Variants in RPS6KA2 observed in about 807,000 individuals in gnomAD.
RPS6KA2 encodes ribosomal protein S6 kinase alpha-2.
RPS6KA2 carries 42 observed loss-of-function variants against 91.8 expected under a neutral mutation model. That is an observed-to-expected ratio of 0.46 (90% CI 0.36 to 0.59). The LOEUF (loss-of-function observed/expected upper bound fraction) is 0.59, where lower values mean the gene tolerates loss of function less well. Among genes scored for constraint, RPS6KA2 ranks in the 20% least tolerant of loss-of-function variants. The pLI is 0.00. For synonymous variants in RPS6KA2, 414 were observed against 393.6 expected (o/e 1.05, Z -0.61); for missense variants, 798 against 978.5 (o/e 0.82, Z 2.46).
chr6:166,590,570 T>C (rs1339503896), intron 1 of RPS6KA2, among the ~76,000 whole-genome samples: 1 of 152,190 alleles, frequency 6.6e-6, no homozygotes, highest in Non-Finnish European at 1.5e-5. Context: ...TGCACTGTAC[T>C]ATACAGGGGA....
intron 11 of RPS6KA2, chr6:166,465,423 T>A (rs575796099): frequency 6.6e-6 from 1 of 152,368 alleles, no homozygotes; most frequent in East Asian, 1.9e-4. Flanking sequence ...TGAAGACACA[T>A]GGGCTGCTAC....
chr6:166,808,579 G>A (rs1476542696), intron 2 of RPS6KA2, among the ~76,000 whole-genome samples: 4 of 152,136 alleles, frequency 2.6e-5, no homozygotes, highest in Non-Finnish European at 5.9e-5. Context: ...AATGTCTTAC[G>A]TATTGAATCA....
At chr6:166,772,556 G>C (rs1778502188) in intron 2 of RPS6KA2, among the ~76,000 whole-genome samples, 1 of 152,172 alleles carries the variant, frequency 6.6e-6, no homozygotes, top group South Asian at 2.1e-4. Context: ...AAGATGGTGA[G>C]ACCCGGTGGA....
At position 166,448,959 on chromosome 6, in the gene RPS6KA2, G is replaced by A; in HGVS notation, c.1207-110C>T. 2 of 1,348,690 alleles carry A rather than the reference G, an allele frequency of 1.5e-6. No homozygotes were observed. Among genetic ancestry groups the A allele is most frequent in the Non-Finnish European group, 2.1e-6 (2 of 970,440 alleles). The allele number at this position is 1,348,690 out of a possible 1,614,324, so 83.5% of individuals were successfully genotyped here. On this transcript the variant is annotated intron_variant, in intron 13 of 20. Coordinates refer to ENST00000265678, the MANE Select transcript of RPS6KA2 (RefSeq NM_021135.6). This position sits in a 1 kb window ranked among gnomAD's most constrained non-coding sequence, Gnocchi z 4.7. Reference sequence around the variant, plus strand: ...AAGAGAGGCACCGACTGTGAACTGAGTGTGTGGAGGCCTGGGAGCTCATGG... The same window carrying A: ...AAGAGAGGCACCGACTGTGAACTGAATGTGTGGAGGCCTGGGAGCTCATGG...
At chr6:166,614,877 G>A (rs1289241676) in intron 1 of RPS6KA2, among the ~76,000 whole-genome samples, 1 of 152,172 alleles carries the variant, frequency 6.6e-6, no homozygotes, top group African/African-American at 2.4e-5. Context: ...AGATTATCCA[G>A]GAACATCACG....
At chr6:166,805,354 C>T (rs1230461949) in intron 2 of RPS6KA2, among the ~76,000 whole-genome samples, 1 of 152,112 alleles carries the variant, frequency 6.6e-6, no homozygotes, top group Non-Finnish European at 1.5e-5. Flanking sequence ...GTCGCACCTC[C>T]CCTCATTGTT....
intron 2 of RPS6KA2, among the ~76,000 whole-genome samples, chr6:166,632,734 A>G (rs756195867): frequency 3.3e-5 from 5 of 152,238 alleles, no homozygotes; most frequent in Non-Finnish European, 7.3e-5. Context: ...AGACCAGAAG[A>G]CAGACACAAA....
chr6:166,730,399 TTGA>T (rs1388273121), intron 2 of RPS6KA2, among the ~76,000 whole-genome samples: 1 of 152,230 alleles, frequency 6.6e-6, no homozygotes, highest in African/African-American at 2.4e-5. Flanking sequence ...AGTCATAATT[TTGA>T]TGTTGTTAAA....
chr6:166,747,677 C>T (rs1264403933), intron 2 of RPS6KA2, among the ~76,000 whole-genome samples: 1 of 152,132 alleles, frequency 6.6e-6, no homozygotes, highest in Non-Finnish European at 1.5e-5. Context: ...GTGGAGGTGG[C>T]CACACAGCAT....
chr6:166,845,648 A>G (rs1317178242), intron 2 of RPS6KA2, among the ~76,000 whole-genome samples: 1 of 152,224 alleles, frequency 6.6e-6, no homozygotes, highest in Admixed American at 6.5e-5. Context: ...GGAAATTAAA[A>G]AATTATTTGA....
At chr6:166,831,535 G>A (rs992124987) in intron 2 of RPS6KA2, among the ~76,000 whole-genome samples, 5 of 151,658 alleles carry the variant, frequency 3.3e-5, no homozygotes, top group African/African-American at 1.2e-4. Flanking sequence ...CTCTTCACAG[G>A]CTCCTTCTTC....
Position 166,648,544 on chromosome 6 carries a change from G to T in RPS6KA2, c.124-109760C>A, listed in dbSNP as rs1448131264. Among the ~76,000 whole-genome samples, 1 of 152,198 alleles carries T rather than the reference G, an allele frequency of 6.6e-6. No homozygotes were observed. Among genetic ancestry groups the T allele is most frequent in the East Asian group, 1.9e-4 (1 of 5,202 alleles). ...GACGGGCATTTAATAAATGTTTCTG[G>T]ATTGAACACGTGAGTGAGTTCGTAT... On this transcript the variant is annotated intron_variant, in intron 2 of 21. Transcript: ENST00000503859. The surrounding 1 kb of genome is among the most constrained non-coding windows in gnomAD (Gnocchi z 4.8).
rs1779214642 is a variant in RPS6KA2, at chr6:166,433,901, T to C, written c.1333-1411A>G. 6.6e-6 allele frequency among the ~76,000 whole-genome samples: 1 copy of C among 152,064 alleles called. No homozygotes were observed. The highest frequency in any genetic ancestry group is 2.4e-5 in the African/African-American group (1 of 41,408). ...TCCAGAATAACTAGGACTACAGAGGTGTGTGCCACCCTACTCAGCTAATTT... is the reference window on the plus strand; with the variant it reads ...TCCAGAATAACTAGGACTACAGAGGCGTGTGCCACCCTACTCAGCTAATTT... On this transcript the variant is annotated intron_variant, in intron 14 of 20. Transcript: ENST00000265678. This position sits in a 1 kb window ranked among gnomAD's most constrained non-coding sequence, Gnocchi z 4.4.
At position 166,639,813 on chromosome 6, in the gene RPS6KA2, C is replaced by G. The variant is rs1475631757; in HGVS notation, c.124-101029G>C. Among the ~76,000 whole-genome samples, 2 of 152,118 alleles carry G rather than the reference C, an allele frequency of 1.3e-5. No homozygotes were observed. Among genetic ancestry groups the G allele is most frequent in the Non-Finnish European group, 2.9e-5 (2 of 68,014 alleles). ...CACCGAGATCACTCCACCCCACAGG[C>G]CCTGTTGGGGTCTCTCCTGGGTTCC... On this transcript the variant is annotated intron_variant, in intron 2 of 21. Transcript: ENST00000503859. The surrounding 1 kb of genome is among the most constrained non-coding windows in gnomAD (Gnocchi z 4.2).
rs776717039 is a variant in RPS6KA2, at chr6:166,434,445, G to C, written c.1333-1955C>G. Among the ~76,000 whole-genome samples, 5 of 152,090 alleles carry C rather than the reference G, an allele frequency of 3.3e-5. No individual in the cohort carries two copies. The highest frequency in any genetic ancestry group is 5.9e-5 in the Non-Finnish European group (4 of 68,012). On this transcript the variant is annotated intron_variant, in intron 14 of 20. Coordinates refer to ENST00000265678, the MANE Select transcript of RPS6KA2 (RefSeq NM_021135.6). The surrounding 1 kb of genome is among the most constrained non-coding windows in gnomAD (Gnocchi z 4.4). ...ACTTTTAAAACGATCATTCAAGGAG[G>C]GGTGGGGGACTTTCCCTAACATGCC... is the stretch of plus-strand genomic sequence containing the variant.
chr6:166,652,315 T>C (rs930037660), intron 2 of RPS6KA2, among the ~76,000 whole-genome samples: 3 of 152,242 alleles, frequency 2.0e-5, no homozygotes, highest in African/African-American at 7.2e-5. Context: ...TTATTCAGAA[T>C]CTTAAATTAA....
intron 2 of RPS6KA2, among the ~76,000 whole-genome samples, chr6:166,670,042 A>G (rs1057366588): frequency 6.6e-5 from 10 of 152,264 alleles, no homozygotes; most frequent in African/African-American, 2.4e-4. Context: ...GAGGGCACTC[A>G]GGAGAAGGGC....
intron 1 of RPS6KA2, among the ~76,000 whole-genome samples, chr6:166,546,603 C>G (rs944516712): frequency 1.3e-5 from 2 of 151,936 alleles, no homozygotes; most frequent in Non-Finnish European, 2.9e-5. Context: ...TAAACTACAT[C>G]ATCAGTATAA....
intron 1 of RPS6KA2, among the ~76,000 whole-genome samples, chr6:166,624,051 A>G (rs1375951610): frequency 6.6e-6 from 1 of 152,226 alleles, no homozygotes; most frequent in East Asian, 1.9e-4. Flanking sequence ...GAGAGGAAAA[A>G]AAAGAAGGAA....
Sources: gnomAD v4.1 joint callset for allele counts (sites outside exome capture counted in the v4.1 genomes callset) on GRCh38, gnomAD v4.1.1 for gene constraint, Gnocchi (gnomAD v3.1) non-coding constraint, MANE v1.5 for transcripts, NCBI Gene and HGNC (gene_info 2026-07-23, HGNC 2026-07-21) for gene names.